GTF2E2: variants seen among roughly 807,000 people sequenced by gnomAD.
The protein encoded by GTF2E2 is transcription initiation factor IIE subunit beta.
GTF2E2 carries 21 observed loss-of-function variants against 40.5 expected under a neutral mutation model. The observed-to-expected ratio is 0.52, with a 90% confidence interval of 0.37 to 0.75. GTF2E2 has a LOEUF of 0.75. Ranked by LOEUF, GTF2E2 falls within the 30% of genes least tolerant of loss-of-function variation. The pLI is 0.00. For synonymous variants in GTF2E2, 117 were observed against 121.6 expected, an observed-to-expected ratio of 0.96 and a Z score of 0.25; for missense variants, 298 against 338.4, an observed-to-expected ratio of 0.88 and a Z score of 0.94.
intron 6 of GTF2E2, among the ~76,000 whole-genome samples, chr8:30,606,181 T>C (rs1829311287): frequency 6.6e-6 from 1 of 152,238 alleles, no homozygotes; most frequent in South Asian, 2.1e-4. Flanking sequence ...ATTCTGCACA[T>C]TTTTATTTAA....
intron 6 of GTF2E2, among the ~76,000 whole-genome samples, chr8:30,594,753 G>A (rs1320667059): frequency 1.3e-5 from 2 of 151,766 alleles, no homozygotes; most frequent in Non-Finnish European, 2.9e-5. Context: ...AGCTACTGGG[G>A]AGGTGAGGCA....
intron 5 of GTF2E2, 55 bp downstream of exon 5, chr8:30,612,244 A>G: frequency 2.7e-6 from 3 of 1,107,258 alleles, no homozygotes; most frequent in Non-Finnish European, 4.0e-6. Flanking sequence ...TTTAAAACCA[A>G]GAAGTCATTA....
At chr8:30,629,688 C>CAAAA (rs10707910) in intron 3 of GTF2E2, among the ~76,000 whole-genome samples, 3 of 70,950 alleles carry the variant, frequency 4.2e-5, no homozygotes, top group African/African-American at 1.2e-4. Context: ...GATTCCATCT[C>CAAAA]AAAAAAAAAA....
chr8:30,629,410 C>T (rs1010725431), intron 3 of GTF2E2, among the ~76,000 whole-genome samples: 1 of 151,974 alleles, frequency 6.6e-6, no homozygotes, highest in African/African-American at 2.4e-5. Flanking sequence ...TTTTTAAAAA[C>T]AGACTGTTGC....
At chr8:30,623,148 T>G (rs1713802268) in intron 3 of GTF2E2, among the ~76,000 whole-genome samples, 1 of 152,082 alleles carries the variant, frequency 6.6e-6, no homozygotes, top group African/African-American at 2.4e-5. Context: ...AGTATTAAAT[T>G]GGGGAACTAA....
intron 6 of GTF2E2, among the ~76,000 whole-genome samples, chr8:30,580,727 A>G (rs1828494004): frequency 6.6e-6 from 1 of 152,200 alleles, no homozygotes; most frequent in South Asian, 2.1e-4. Flanking sequence ...TTTCCTGCTC[A>G]GCTCCCCTAA....
intron 2 of GTF2E2, among the ~76,000 whole-genome samples, chr8:30,649,773 A>C (rs1477011734): frequency 5.9e-5 from 9 of 152,028 alleles, no homozygotes. Flanking sequence ...ACTCCGTCTC[A>C]AAAAAAATGA....
At chr8:30,618,235 T>G (rs558202013) in intron 3 of GTF2E2, among the ~76,000 whole-genome samples, 1 of 124,926 alleles carries the variant, frequency 8.0e-6, no homozygotes, top group East Asian at 2.3e-4. Flanking sequence ...AGGCAGAGGT[T>G]GCGGTGAGCC....
intron 5 of GTF2E2, among the ~76,000 whole-genome samples, chr8:30,608,629 C>CA (rs1160188120): frequency 6.6e-6 from 1 of 152,168 alleles, no homozygotes; most frequent in African/African-American, 2.4e-5. Context: ...ATCTCGAATC[C>CA]AAAATCCAAA....
rs115758126 is a variant in GTF2E2 at position 30,596,308 on chromosome 8, G to T, written c.643+10749C>A. ...CTTGATATTGTCTCACAGCTTATGG[G>T]TTCTCTGCCCTATTTTTTTCACACT... On this transcript the variant is annotated intron_variant, in intron 6 of 7. Transcript: ENST00000355904. Among the ~76,000 whole-genome samples, 645 of 152,054 alleles carry T rather than the reference G, an allele frequency of 4.2e-3. 6 individuals are homozygous for T. Among genetic ancestry groups the T allele is most frequent in the African/African-American group, 0.015 (607 of 41,478 alleles).
At chr8:30,647,562 C>G (rs1802138017) in intron 2 of GTF2E2, among the ~76,000 whole-genome samples, 1 of 152,198 alleles carries the variant, frequency 6.6e-6, no homozygotes, top group African/African-American at 2.4e-5. Context: ...GCCTGAACAA[C>G]AAGAGTGAAA....
intron 7 of GTF2E2, among the ~76,000 whole-genome samples, chr8:30,580,056 G>A (rs879090895): frequency 3.3e-5 from 5 of 152,186 alleles, no homozygotes; most frequent in South Asian, 4.1e-4. Context: ...TATACCTCAA[G>A]AGCAGGACTG....
chr8:30,581,060 A>G (rs1229846626), intron 6 of GTF2E2, among the ~76,000 whole-genome samples: 2 of 152,236 alleles, frequency 1.3e-5, no homozygotes, highest in Non-Finnish European at 2.9e-5. Flanking sequence ...ATTGGGAAGC[A>G]TTCCAAATGA....
intron 6 of GTF2E2, among the ~76,000 whole-genome samples, chr8:30,594,082 C>T (rs1032879401): frequency 5.9e-5 from 9 of 151,996 alleles, no homozygotes; most frequent in African/African-American, 1.9e-4. Flanking sequence ...AGGCGCATGC[C>T]ACCACACTCA....
chr8:30,580,688 T>C (rs1306084138), intron 6 of GTF2E2, among the ~76,000 whole-genome samples: 3 of 152,156 alleles, frequency 2.0e-5, no homozygotes, highest in African/African-American at 7.2e-5. Flanking sequence ...CACCCTCCTT[T>C]AATTCCTCTA....
chr8:30,616,233 C>T (rs906190109), intron 3 of GTF2E2, among the ~76,000 whole-genome samples: 5 of 151,958 alleles, frequency 3.3e-5, no homozygotes, highest in Non-Finnish European at 7.4e-5. Context: ...GTAAGGAGAT[C>T]GAGACCATCC....
chr8:30,656,901 A>G (rs1802467168), intron 1 of GTF2E2: 1 of 152,184 alleles, frequency 6.6e-6, no homozygotes, highest in Non-Finnish European at 1.5e-5. Flanking sequence ...AGGAGCAAAC[A>G]GGTATTAGTG....
chr8:30,640,179 A>C (rs1801763613), intron 2 of GTF2E2, among the ~76,000 whole-genome samples: 1 of 152,194 alleles, frequency 6.6e-6, no homozygotes, highest in South Asian at 2.1e-4. Context: ...AGCTTAAATT[A>C]AGTGAGTTGC....
intron 4 of GTF2E2, among the ~76,000 whole-genome samples, chr8:30,612,795 C>T (rs944693229): frequency 3.3e-5 from 5 of 152,182 alleles, no homozygotes; most frequent in African/African-American, 4.8e-5. Flanking sequence ...GATCCACCCA[C>T]CTCAGCCTCC....
Sources: allele counts gnomAD v4.1 joint callset (sites outside exome capture counted in the v4.1 genomes callset), GRCh38; gene constraint gnomAD v4.1.1; transcripts MANE v1.5; gene names NCBI Gene and HGNC (gene_info 2026-07-23, HGNC 2026-07-21).